The following SETBP1 variants were observed in gnomAD, a reference collection of about 807,000 sequenced individuals.
SETBP1 encodes SET-binding protein.
SETBP1 carries 9 observed loss-of-function variants against 101.0 expected under a neutral mutation model. The ratio of observed to expected loss-of-function variants is 0.09; its 90% confidence interval spans 0.05 to 0.16. SETBP1 has a LOEUF of 0.16. Among genes scored for constraint, SETBP1 ranks in the 10% least tolerant of loss-of-function variants. The pLI is 1.00. For synonymous variants in SETBP1, 818 were observed against 788.5 expected (o/e 1.04, Z -0.63); for missense variants, 1,858 against 2,033.8 (o/e 0.91, Z 1.66).
chr18:45,024,837 T>C (rs895267298), intron 4 of SETBP1, among the ~76,000 whole-genome samples: 2 of 152,174 alleles, frequency 1.3e-5, no homozygotes, highest in African/African-American at 4.8e-5. Context: ...TAGAAAGAAA[T>C]GTTGAGATGC....
chr18:45,067,079 G>A lies in SETBP1; in HGVS notation c.*3381G>A, dbSNP rs902854741. 3 of 152,184 alleles carry A rather than the reference G, an allele frequency of 2.0e-5. No individual in the cohort carries two copies. The East Asian group carries it at 5.8e-4, about 29-fold the overall frequency. The allele number at this position is 152,184 out of a possible 1,614,324, so 9.4% of individuals were successfully genotyped here. On this transcript the variant is annotated 3_prime_UTR_variant, in exon 6 of 6. Coordinates refer to ENST00000649279, the MANE Select transcript of SETBP1 (RefSeq NM_015559.3). The stretch of plus-strand genomic sequence containing the variant: ...CTGGTTTGTGACTTGGCAGGACCAG[G>A]AAACAGCAGCCACTGACAGCCCAGA...
At chr18:44,804,583 A>G (rs898800268) in intron 2 of SETBP1, among the ~76,000 whole-genome samples, 1 of 152,136 alleles carries the variant, frequency 6.6e-6, no homozygotes, top group Admixed American at 6.5e-5. Context: ...CTTAAAAAGA[A>G]TGAATGCTTT....
chr18:45,014,736 G>T (rs1052859512), intron 4 of SETBP1, among the ~76,000 whole-genome samples: 1 of 151,820 alleles, frequency 6.6e-6, no homozygotes, highest in Non-Finnish European at 1.5e-5. Context: ...GGTAATAAAG[G>T]GTGAATCACT....
chr18:44,891,484 C>T (rs532981436), intron 3 of SETBP1, among the ~76,000 whole-genome samples: 10 of 152,214 alleles, frequency 6.6e-5, no homozygotes, highest in African/African-American at 2.2e-4. Context: ...TTATATTGGG[C>T]CTCATTATAA....
At chr18:44,690,997 A>G (rs1455882462) in intron 1 of SETBP1, among the ~76,000 whole-genome samples, 3 of 152,294 alleles carry the variant, frequency 2.0e-5, no homozygotes, top group South Asian at 4.1e-4. Context: ...GAAAAGGCAG[A>G]TGAGAAAACT....
intron 4 of SETBP1, among the ~76,000 whole-genome samples, chr18:45,034,344 G>C (rs1042491350): frequency 6.6e-6 from 1 of 152,150 alleles, no homozygotes; most frequent in Non-Finnish European, 1.5e-5. Context: ...ACCTTGAACT[G>C]AGCTCCAAGT....
intron 4 of SETBP1, among the ~76,000 whole-genome samples, chr18:44,971,290 G>C (rs1215231048): frequency 1.3e-5 from 2 of 152,168 alleles, no homozygotes; most frequent in Non-Finnish European, 2.9e-5. Context: ...GGACATTTGG[G>C]TTGGTTCCAA....
At chr18:44,884,558 T>C (rs1388470304) in intron 3 of SETBP1, among the ~76,000 whole-genome samples, 2 of 152,078 alleles carry the variant, frequency 1.3e-5, no homozygotes, top group Non-Finnish European at 2.9e-5. Flanking sequence ...GTCCAGAACT[T>C]TTGTAAACTG....
rs187950189 is a variant in SETBP1 at position 44,934,102 on chromosome 18, T to G, written c.541-15779T>G. Among the ~76,000 whole-genome samples, 480 of 152,286 alleles carry G rather than the reference T, an allele frequency of 3.2e-3. 1 individual carries two copies. Among genetic ancestry groups the G allele is most frequent in the Non-Finnish European group, 4.9e-3 (336 of 67,996 alleles). On this transcript the variant is annotated intron_variant, in intron 3 of 5. Coordinates refer to ENST00000649279, the MANE Select transcript of SETBP1 (RefSeq NM_015559.3). ...ACATTTTTACCAACCTTGTCTTGTT[T>G]AATTCTTAACACAACCCCATCAGGT...
chr18:44,834,732 C>A (rs1166792672), intron 2 of SETBP1, among the ~76,000 whole-genome samples: 2 of 152,166 alleles, frequency 1.3e-5, no homozygotes, highest in Admixed American at 6.5e-5. Flanking sequence ...GAATTACTTG[C>A]CCTCAAGGAG....
At chr18:45,014,180 G>A (rs1288128947) in intron 4 of SETBP1, among the ~76,000 whole-genome samples, 2 of 152,318 alleles carry the variant, frequency 1.3e-5, no homozygotes, top group East Asian at 3.9e-4. Flanking sequence ...TAGTAAAACA[G>A]CCTGTGCCCA....
At chr18:44,984,951 G>T (rs2072197362) in intron 4 of SETBP1, among the ~76,000 whole-genome samples, 2 of 152,174 alleles carry the variant, frequency 1.3e-5, no homozygotes, top group South Asian at 4.1e-4. Flanking sequence ...GACCAGCCCG[G>T]CCAACATGGT....
intron 3 of SETBP1, among the ~76,000 whole-genome samples, chr18:44,912,591 G>A (rs1483024916): frequency 2.0e-5 from 3 of 151,902 alleles, no homozygotes; most frequent in Admixed American, 1.3e-4. Context: ...CTAATTTTTT[G>A]TATTTTTAGT....
intron 4 of SETBP1, among the ~76,000 whole-genome samples, chr18:45,020,812 A>G (rs1371952861): frequency 6.6e-6 from 1 of 152,194 alleles, no homozygotes; most frequent in East Asian, 1.9e-4. Context: ...TGGTCTGTAA[A>G]TGAATCACTA....
chr18:44,805,264 T>A (rs1015877638), intron 2 of SETBP1, among the ~76,000 whole-genome samples: 2 of 152,086 alleles, frequency 1.3e-5, no homozygotes, highest in African/African-American at 4.8e-5. Context: ...ATAAAAGTAT[T>A]CCTAGCATGT....
At chr18:44,825,728 T>C (rs1405031486) in intron 2 of SETBP1, among the ~76,000 whole-genome samples, 1 of 152,248 alleles carries the variant, frequency 6.6e-6, no homozygotes, top group Non-Finnish European at 1.5e-5. Flanking sequence ...AATTAATGGA[T>C]AGTACAAATA....
At chr18:45,007,665 G>A (rs563477608) in intron 4 of SETBP1, among the ~76,000 whole-genome samples, 32 of 152,146 alleles carry the variant, frequency 2.1e-4, no homozygotes, top group Admixed American at 1.0e-3. Context: ...GGATTAATTC[G>A]CACATTTAAC....
intron 2 of SETBP1, among the ~76,000 whole-genome samples, chr18:44,788,266 A>G (rs1312422867): frequency 6.6e-6 from 1 of 152,166 alleles, no homozygotes; most frequent in Non-Finnish European, 1.5e-5. Context: ...GAACTCCTCC[A>G]GCAGCAGGAG....
intron 3 of SETBP1, among the ~76,000 whole-genome samples, chr18:44,941,627 T>C (rs556215203): frequency 1.6e-4 from 24 of 152,264 alleles, no homozygotes; most frequent in African/African-American, 5.8e-4. Context: ...GGTACTGTTT[T>C]TCCATTATTA....
Sources: gnomAD v4.1 joint callset for allele counts (sites outside exome capture counted in the v4.1 genomes callset) on GRCh38, gnomAD v4.1.1 for gene constraint, MANE v1.5 for transcripts, NCBI Gene and HGNC (gene_info 2026-07-23, HGNC 2026-07-21) for gene names.